SDCCAG8: variants seen among roughly 807,000 people sequenced by gnomAD.
SDCCAG8 encodes the protein serologically defined colon cancer antigen 8.
In SDCCAG8, 74 loss-of-function variants were observed where a neutral mutation model predicts 101.8. The ratio of observed to expected loss-of-function variants is 0.73; its 90% CI spans 0.60 to 0.88. The LOEUF is 0.88. SDCCAG8 is among the 40% of genes least tolerant of loss of function. The probability of loss-of-function intolerance (pLI) is 0.00; values close to 1 mark genes in which losing one functional copy is unlikely to be tolerated. For missense variants in SDCCAG8, 787 were observed against 822.6 expected (o/e 0.96, Z 0.53); for synonymous variants, 281 against 292.9 (o/e 0.96, Z 0.41).
intron 16 of SDCCAG8, among the ~76,000 whole-genome samples, chr1:243,473,929 G>GGC (rs1661782396): frequency 9.3e-6 from 1 of 107,224 alleles, no homozygotes; most frequent in Non-Finnish European, 2.0e-5. Context: ...CGGCGGGGGG[G>GGC]GGGGGGGGGG....
chr1:243,433,507 G>A (rs1357837545), intron 16 of SDCCAG8, among the ~76,000 whole-genome samples: 3 of 152,162 alleles, frequency 2.0e-5, no homozygotes, highest in South Asian at 2.1e-4. Context: ...CCTGGCTGCT[G>A]CCATGCCTCC....
intron 8 of SDCCAG8, among the ~76,000 whole-genome samples, chr1:243,309,639 C>T (rs1421759172): frequency 2.0e-5 from 3 of 152,076 alleles, no homozygotes; most frequent in South Asian, 2.1e-4. Context: ...TGAGTAACTG[C>T]GGACATGTGC....
intron 2 of SDCCAG8, 87 bp downstream of exon 2, chr1:243,270,344 C>T: frequency 1.7e-6 from 2 of 1,207,550 alleles, no homozygotes; most frequent in South Asian, 1.3e-5. Flanking sequence ...ATTCTTCATT[C>T]TGCTGCTATG....
At chr1:243,389,526 A>G (rs1173493338) in intron 13 of SDCCAG8, among the ~76,000 whole-genome samples, 3 of 152,194 alleles carry the variant, frequency 2.0e-5, no homozygotes, top group African/African-American at 4.8e-5. Flanking sequence ...GGCAAATTTT[A>G]TATCAATTTT....
intron 16 of SDCCAG8, among the ~76,000 whole-genome samples, chr1:243,427,582 G>A (rs1299036852): frequency 6.6e-6 from 1 of 152,118 alleles, no homozygotes; most frequent in African/African-American, 2.4e-5. Flanking sequence ...AGCCATCCAT[G>A]CCTTCTCTGT....
At chr1:243,443,569 C>T (rs2082688652) in intron 16 of SDCCAG8, among the ~76,000 whole-genome samples, 1 of 152,168 alleles carries the variant, frequency 6.6e-6, no homozygotes, top group Admixed American at 6.5e-5. Flanking sequence ...CACCAGTGTG[C>T]CTGAATCCTC....
At chr1:243,480,462 A>G in intron 16 of SDCCAG8, among the ~76,000 whole-genome samples, 3 of 49,068 alleles carry the variant, frequency 6.1e-5, no homozygotes, top group African/African-American at 9.0e-5. Context: ...TGGGGGATGG[A>G]TGGATGGATG....
chr1:243,264,850 T>G (rs12741781), intron 1 of SDCCAG8, among the ~76,000 whole-genome samples: 44,952 of 152,024 alleles, frequency 0.3, 6,964 homozygotes, highest in South Asian at 0.54. Flanking sequence ...GGAAAAGAAA[T>G]CAGGATGCAT....
At chr1:243,451,803 C>G (rs1011966613) in intron 16 of SDCCAG8, among the ~76,000 whole-genome samples, 2 of 152,142 alleles carry the variant, frequency 1.3e-5, no homozygotes, top group African/African-American at 4.8e-5. Flanking sequence ...GTGGTGCGTG[C>G]CTGTAATCCC....
chr1:243,392,121 C>G (rs952716850), intron 13 of SDCCAG8, among the ~76,000 whole-genome samples: 2 of 152,192 alleles, frequency 1.3e-5, no homozygotes, highest in African/African-American at 4.8e-5. Flanking sequence ...TATGAGTATG[C>G]AAAATCATTT....
intron 13 of SDCCAG8, among the ~76,000 whole-genome samples, chr1:243,394,089 C>T (rs907854749): frequency 2.0e-5 from 3 of 152,184 alleles, no homozygotes; most frequent in South Asian, 2.1e-4. Context: ...TGTATTAAAA[C>T]GACGACTTTA....
intron 1 of SDCCAG8, among the ~76,000 whole-genome samples, chr1:243,269,807 G>T (rs988215989): frequency 7.2e-5 from 11 of 152,128 alleles, no homozygotes; most frequent in African/African-American, 2.4e-4. Context: ...TTGTTTAATG[G>T]GAGCTGGTGG....
chr1:243,437,502 G>A (rs919843117), intron 16 of SDCCAG8, among the ~76,000 whole-genome samples: 7 of 150,216 alleles, frequency 4.7e-5, no homozygotes, highest in Non-Finnish European at 7.4e-5. Flanking sequence ...AATATCTATC[G>A]TCAAATCCTA....
At chr1:243,412,175 T>C (rs2080229891) in intron 13 of SDCCAG8, among the ~76,000 whole-genome samples, 2 of 152,212 alleles carry the variant, frequency 1.3e-5, no homozygotes, top group Non-Finnish European at 2.9e-5. Context: ...AAGAGAGTTA[T>C]GATAAATACT....
chr1:243,328,474 AC>A (rs1429169514), intron 9 of SDCCAG8, among the ~76,000 whole-genome samples: 1 of 151,656 alleles, frequency 6.6e-6, no homozygotes, highest in Non-Finnish European at 1.5e-5. Flanking sequence ...ACGGGGTTTC[AC>A]CATGTTGGCC....
intron 16 of SDCCAG8, among the ~76,000 whole-genome samples, chr1:243,433,547 C>A (rs1022682062): frequency 6.6e-6 from 1 of 150,994 alleles, no homozygotes; most frequent in Non-Finnish European, 1.5e-5. Flanking sequence ...GAAAGTCTCT[C>A]CTGAGGAACC....
chr1:243,486,005 C>T (rs1200442686), intron 16 of SDCCAG8, among the ~76,000 whole-genome samples: 1 of 151,850 alleles, frequency 6.6e-6, no homozygotes, highest in Non-Finnish European at 1.5e-5. Flanking sequence ...TTGAGACCAG[C>T]CTGACCAACA....
At chr1:243,475,154 T>A (rs1662149079) in intron 16 of SDCCAG8, among the ~76,000 whole-genome samples, 1 of 152,184 alleles carries the variant, frequency 6.6e-6, no homozygotes, top group African/African-American at 2.4e-5. Context: ...CTGAGCCCTG[T>A]CCTACAGCCC....
chr1:243,421,979 T>TGC, intron 15 of SDCCAG8, among the ~76,000 whole-genome samples: 1 of 152,180 alleles, frequency 6.6e-6, no homozygotes, highest in Non-Finnish European at 1.5e-5. Context: ...CAGTGCTATC[T>TGC]AACACCTGGC....
Sources: allele counts gnomAD v4.1 joint callset (sites outside exome capture counted in the v4.1 genomes callset), GRCh38; gene constraint gnomAD v4.1.1; transcripts MANE v1.5; gene names NCBI Gene and HGNC (gene_info 2026-07-23, HGNC 2026-07-21).